DNM2: variants seen among roughly 807,000 people sequenced by gnomAD.
The protein encoded by DNM2 is dynamin-2.
DNM2 carries 15 observed loss-of-function variants against 99.0 expected under a neutral mutation model. The observed-to-expected ratio is 0.15, with a 90% CI of 0.10 to 0.23. DNM2 has a LOEUF of 0.23. Ranked by LOEUF, DNM2 falls within the 10% of genes least tolerant of loss-of-function variation. DNM2 has a pLI of 1.00. For synonymous variants in DNM2, 525 were observed against 481.2 expected (o/e 1.09, Z -1.19); for missense variants, 742 against 1,189.4 (o/e 0.62, Z 5.53).
At chr19:10,733,700 C>T (rs554654789) in intron 1 of DNM2, among the ~76,000 whole-genome samples, 1 of 151,960 alleles carries the variant, frequency 6.6e-6, no homozygotes, top group South Asian at 2.1e-4. Context: ...GCAACATAAC[C>T]TCTTCTCTAA....
chr19:10,754,552 A>G (rs1006182598), intron 1 of DNM2, among the ~76,000 whole-genome samples: 1 of 150,432 alleles, frequency 6.6e-6, no homozygotes, highest in Non-Finnish European at 1.5e-5. Context: ...CAACTGGCCA[A>G]TCGCATAAAT....
At chr19:10,792,461 C>G (rs1381833368) in intron 7 of DNM2, among the ~76,000 whole-genome samples, 1 of 152,212 alleles carries the variant, frequency 6.6e-6, no homozygotes, top group Non-Finnish European at 1.5e-5. Context: ...ACAAGATCAT[C>G]CTACTTTTTT....
At chr19:10,757,468 A>G (rs1049812244) in intron 1 of DNM2, among the ~76,000 whole-genome samples, 2 of 152,124 alleles carry the variant, frequency 1.3e-5, no homozygotes, top group African/African-American at 4.8e-5. Flanking sequence ...CACCCTCATC[A>G]GGGGTTCCCA....
intron 1 of DNM2, among the ~76,000 whole-genome samples, chr19:10,723,474 G>GAA (rs2069010080): frequency 6.6e-6 from 1 of 152,072 alleles, no homozygotes; most frequent in African/African-American, 2.4e-5. Flanking sequence ...CGCCATGTTG[G>GAA]CCAGGCTGGT....
intron 1 of DNM2, among the ~76,000 whole-genome samples, chr19:10,731,086 C>T (rs1206824145): frequency 2.0e-5 from 3 of 152,124 alleles, no homozygotes; most frequent in Non-Finnish European, 2.9e-5. Context: ...GCCAGTCAAG[C>T]GGGCAGGAGC....
chr19:10,747,022 C>T (rs1052511519), intron 1 of DNM2, among the ~76,000 whole-genome samples: 1 of 151,484 alleles, frequency 6.6e-6, no homozygotes, highest in African/African-American at 2.4e-5. Flanking sequence ...CAGGCATGAG[C>T]CACCGCACTC....
In DNM2 at chr19:10,786,570, A is replaced by G; in HGVS notation, c.856A>G (p.Thr286Ala). The change falls in exon 7 of 21, where the codon ACC becomes GCC. Residue 286 changes from threonine (T) to alanine (A), a missense_variant. This residue lies in a region of DNM2 where 192 missense variants were observed against 358.9 expected (regional missense o/e 0.54). Transcript: ENST00000389253. Reference protein sequence around the residue: ...HLQKTLNQQLTNHIRESLPAL... With the variant: ...HLQKTLNQQLANHIRESLPAL... ...TCTGACCTCTCTCCTGCAGCAACTGACCAACCACATCCGGGAGTCGCTGCC... is the reference window on the plus strand; with the variant it reads ...TCTGACCTCTCTCCTGCAGCAACTGGCCAACCACATCCGGGAGTCGCTGCC... The G allele has an allele frequency of 1.2e-6, 2 of 1,614,040 alleles. No individual in the cohort carries two copies.
intron 5 of DNM2, among the ~76,000 whole-genome samples, chr19:10,779,501 TC>T (rs370979864): frequency 5.9e-4 from 68 of 114,788 alleles, no homozygotes; most frequent in East Asian, 1.4e-3. Flanking sequence ...TTTCTTTCTT[TC>T]TTTTTTTTTT....
At chr19:10,722,109 C>T (rs918201196) in intron 1 of DNM2, among the ~76,000 whole-genome samples, 3 of 152,132 alleles carry the variant, frequency 2.0e-5, no homozygotes, top group Non-Finnish European at 2.9e-5. Flanking sequence ...GTGTCTTATA[C>T]GCATGGTGGC....
intron 1 of DNM2, among the ~76,000 whole-genome samples, chr19:10,754,444 G>T (rs1568280539): frequency 6.6e-6 from 1 of 151,866 alleles, no homozygotes; most frequent in Non-Finnish European, 1.5e-5. Context: ...GTAGAGACGG[G>T]GTTTTACCGT....
At position 10,825,137 on chromosome 19, in the gene DNM2, C is replaced by T; in HGVS notation, c.1974C>T (p.Asn658=). 1 of 1,614,244 alleles carries T rather than the reference C, an allele frequency of 6.2e-7. No individual in the cohort carries two copies. Among genetic ancestry groups the T allele is most frequent in the South Asian group, 1.1e-5 (1 of 91,086 alleles). Residue 658 remains asparagine, a synonymous_variant, in exon 18 of 21, where the codon AAC becomes AAT. Transcript: ENST00000389253. ...QLERQVETIR[N]LVDSYVAIIN... Reference sequence around the variant, plus strand: ...AGCGGCAGGTGGAGACCATTCGCAACCTGGTGGACTCATACGTGGCCATCA... The same window carrying T: ...AGCGGCAGGTGGAGACCATTCGCAATCTGGTGGACTCATACGTGGCCATCA...
intron 1 of DNM2, among the ~76,000 whole-genome samples, chr19:10,739,603 C>T (rs570225377): frequency 6.6e-6 from 1 of 152,218 alleles, no homozygotes; most frequent in South Asian, 2.1e-4. Context: ...GCCTGTAATC[C>T]CAGCATTTGG....
At chr19:10,783,507 AG>A (rs1396462646) in intron 6 of DNM2, among the ~76,000 whole-genome samples, 1 of 152,082 alleles carries the variant, frequency 6.6e-6, no homozygotes. Context: ...TACTTGATTC[AG>A]GGTCTGGTGA....
chr19:10,772,389 CT>C lies in DNM2; in HGVS notation c.236-87del. The C allele has an allele frequency of 1.3e-6, 2 of 1,571,110 alleles. No individual in the cohort carries two copies. The highest frequency in any genetic ancestry group is 8.7e-7 in the Non-Finnish European group (1 of 1,152,736). On this transcript the variant is annotated intron_variant, in intron 2 of 20. Transcript: ENST00000389253. The surrounding 1 kb of genome is among the most constrained non-coding windows in gnomAD (Gnocchi z 4.9). The stretch of plus-strand genomic sequence containing the variant: ...CTACTGTGCCCAGCCTGGGTCATTA[CT>C]TTCATTCAACAAAGCATTTCTCCCC...
intron 1 of DNM2, among the ~76,000 whole-genome samples, chr19:10,736,159 G>A (rs2069515776): frequency 6.6e-6 from 1 of 151,940 alleles, no homozygotes; most frequent in Non-Finnish European, 1.5e-5. Flanking sequence ...CAGCTAATTG[G>A]GAGACTGAGG....
chr19:10,742,997 T>C (rs1370581124), intron 1 of DNM2, among the ~76,000 whole-genome samples: 1 of 148,764 alleles, frequency 6.7e-6, no homozygotes, highest in Non-Finnish European at 1.5e-5. Flanking sequence ...GACTGCAGCC[T>C]CAACCTCCTG....
chr19:10,826,436 C>G (rs533189845), intron 18 of DNM2, among the ~76,000 whole-genome samples: 1 of 152,362 alleles, frequency 6.6e-6, no homozygotes, highest in African/African-American at 2.4e-5. Flanking sequence ...GCGTCACCCG[C>G]CTGGCCCCGG....
intron 5 of DNM2, among the ~76,000 whole-genome samples, chr19:10,780,988 AGCC>A (rs1365328852): frequency 6.9e-6 from 1 of 144,598 alleles, no homozygotes; most frequent in African/African-American, 2.6e-5. Flanking sequence ...ACTGTACTCC[AGCC>A]TGGGTGACAG....
chr19:10,745,877 G>C (rs1283089217), intron 1 of DNM2, among the ~76,000 whole-genome samples: 2 of 152,206 alleles, frequency 1.3e-5, no homozygotes, highest in African/African-American at 4.8e-5. Context: ...GGAAATACTT[G>C]GAGGAGATGA....
Sources: gnomAD v4.1 joint callset for allele counts (sites outside exome capture counted in the v4.1 genomes callset) on GRCh38, gnomAD v4.1.1 for gene constraint, gnomAD v4.1.1 regional missense constraint, Gnocchi (gnomAD v3.1) non-coding constraint, MANE v1.5 for transcripts, NCBI Gene and HGNC (gene_info 2026-07-23, HGNC 2026-07-21) for gene names.